CCDC102B: variants seen among roughly 807,000 people sequenced by gnomAD.
The protein encoded by CCDC102B is coiled-coil domain-containing protein 102B.
A neutral mutation model predicts 57.4 loss-of-function variants in CCDC102B; 75 were observed. The ratio of observed to expected loss-of-function variants is 1.31; its 90% CI spans 1.08 to 1.58. The LOEUF is 1.58. Ranked by LOEUF, CCDC102B falls within the 40% of genes most tolerant of loss-of-function variation. The pLI is 0.00. For synonymous variants in CCDC102B, 206 were observed against 201.9 expected (o/e 1.02, Z -0.17); for missense variants, 636 against 582.6 (o/e 1.09, Z -0.94).
intron 7 of CCDC102B, among the ~76,000 whole-genome samples, chr18:69,049,694 A>G (rs1180259348): frequency 6.6e-6 from 1 of 152,116 alleles, no homozygotes; most frequent in East Asian, 1.9e-4. Context: ...AGAAAAACAC[A>G]ATTAATAGTA....
At chr18:68,806,202 A>G (rs959516480) in intron 1 of CCDC102B, among the ~76,000 whole-genome samples, 1 of 152,196 alleles carries the variant, frequency 6.6e-6, no homozygotes, top group African/African-American at 2.4e-5. Context: ...CATTTTTAAA[A>G]TTAATAATTA....
intron 4 of CCDC102B, among the ~76,000 whole-genome samples, chr18:68,871,212 A>G (rs1183550740): frequency 1.3e-5 from 2 of 152,222 alleles, no homozygotes; most frequent in African/African-American, 4.8e-5. Context: ...CAGAGAATAT[A>G]CTAAATAAAT....
chr18:69,051,891 A>T (rs1395782931), intron 7 of CCDC102B, among the ~76,000 whole-genome samples: 1 of 151,846 alleles, frequency 6.6e-6, no homozygotes, highest in Non-Finnish European at 1.5e-5. Context: ...CTCCTGCTTG[A>T]TCAAGAACAT....
intron 6 of CCDC102B, among the ~76,000 whole-genome samples, chr18:68,988,010 A>G (rs150993727): frequency 2.0e-5 from 3 of 152,334 alleles, no homozygotes; most frequent in African/African-American, 7.2e-5. Flanking sequence ...AGTTAGAAGC[A>G]GAACTACCAT....
chr18:69,030,118 A>G (rs112392091), intron 7 of CCDC102B, among the ~76,000 whole-genome samples: 146 of 152,318 alleles, frequency 9.6e-4, no homozygotes, highest in African/African-American at 3.1e-3. Context: ...CTGTTATTCA[A>G]AATAGCCTAA....
chr18:69,001,516 C>T (rs2051200876), intron 6 of CCDC102B, among the ~76,000 whole-genome samples: 1 of 151,286 alleles, frequency 6.6e-6, no homozygotes, highest in South Asian at 2.1e-4. Flanking sequence ...GAATCAGGGA[C>T]TCTCTGAAAA....
intron 6 of CCDC102B, among the ~76,000 whole-genome samples, chr18:68,996,771 T>C (rs991538713): frequency 2.0e-5 from 3 of 152,306 alleles, no homozygotes; most frequent in East Asian, 3.9e-4. Context: ...CTTGAACTTT[T>C]GGGTTAATGC....
At chr18:68,913,891 T>G (rs1362984921) in intron 6 of CCDC102B, among the ~76,000 whole-genome samples, 2 of 152,178 alleles carry the variant, frequency 1.3e-5, no homozygotes, top group Non-Finnish European at 2.9e-5. Context: ...TAGATGCTCT[T>G]ATCTCCTGCA....
chr18:69,023,607 T>C (rs1246419735), intron 7 of CCDC102B, among the ~76,000 whole-genome samples: 1 of 151,898 alleles, frequency 6.6e-6, no homozygotes, highest in Non-Finnish European at 1.5e-5. Context: ...CTTACCACAA[T>C]CTTGAAATTA....
intron 2 of CCDC102B, among the ~76,000 whole-genome samples, chr18:68,778,895 A>AG (rs1356752175): frequency 6.6e-6 from 1 of 151,530 alleles, no homozygotes; most frequent in Non-Finnish European, 1.5e-5. Context: ...AAAAAAAAAA[A>AG]ACTGTGAAAA....
intron 2 of CCDC102B, among the ~76,000 whole-genome samples, chr18:68,730,551 T>TA (rs1568220885): frequency 6.6e-6 from 1 of 152,198 alleles, no homozygotes; most frequent in Non-Finnish European, 1.5e-5. Flanking sequence ...TGTCTGCTGA[T>TA]AGATAGATGC....
chr18:68,965,614 T>TTATA (rs752795587), intron 6 of CCDC102B, among the ~76,000 whole-genome samples: 2 of 150,636 alleles, frequency 1.3e-5, no homozygotes, highest in Non-Finnish European at 3.0e-5. Context: ...GTATAAAAAA[T>TTATA]TATATATATA....
chr18:69,046,081 G>A (rs2052559292), intron 7 of CCDC102B, among the ~76,000 whole-genome samples: 3 of 152,086 alleles, frequency 2.0e-5, no homozygotes, highest in Non-Finnish European at 4.4e-5. Context: ...TGTCTTTGTG[G>A]TAGAATGATT....
chr18:69,053,611 A>G (rs914378393), intron 7 of CCDC102B, among the ~76,000 whole-genome samples: 3 of 151,840 alleles, frequency 2.0e-5, no homozygotes, highest in African/African-American at 4.8e-5. Context: ...CACATACACT[A>G]CTGGTAAGTT....
chr18:68,998,348 C>T (rs2051089443), intron 6 of CCDC102B, among the ~76,000 whole-genome samples: 1 of 147,774 alleles, frequency 6.8e-6, no homozygotes, highest in South Asian at 2.1e-4. Context: ...TCTACATACA[C>T]ACATGTATAT....
intron 6 of CCDC102B, among the ~76,000 whole-genome samples, chr18:68,933,046 C>G (rs773074773): frequency 2.0e-5 from 3 of 151,664 alleles, no homozygotes; most frequent in Non-Finnish European, 4.4e-5. Flanking sequence ...TGAGCAATTA[C>G]AATTTCCTCT....
intron 7 of CCDC102B, among the ~76,000 whole-genome samples, chr18:69,036,561 TAAC>T (rs146405177): frequency 0.017 from 2,526 of 152,226 alleles, 70 homozygotes; most frequent in African/African-American, 0.057. Flanking sequence ...CAATGACTTT[TAAC>T]AACAGTGGAA....
At position 68,729,771 on chromosome 18, in the gene CCDC102B, G is replaced by C. The variant is rs141144685; in HGVS notation, c.-67+13177G>C. ...GATTTCCTGAATACAAATGTTGCAA[G>C]TCAAAGGGAAAAGATTGGTTTATTA... On this transcript the variant is annotated intron_variant, in intron 2 of 3. Coordinates refer to the CCDC102B transcript ENST00000578970. Among the ~76,000 whole-genome samples the C allele has an allele frequency of 3.3e-5, 5 of 152,214 alleles. No individual in the cohort carries two copies. In the East Asian group the frequency reaches 9.6e-4, roughly 29 times the overall value.
intron 7 of CCDC102B, among the ~76,000 whole-genome samples, chr18:69,027,974 A>G (rs2052037841): frequency 6.6e-6 from 1 of 152,184 alleles, no homozygotes; most frequent in Non-Finnish European, 1.5e-5. Flanking sequence ...TGAGGCAACC[A>G]TGGTATAATA....
Sources: gnomAD v4.1 joint callset for allele counts (sites outside exome capture counted in the v4.1 genomes callset) on GRCh38, gnomAD v4.1.1 for gene constraint, MANE v1.5 for transcripts, NCBI Gene and HGNC (gene_info 2026-07-23, HGNC 2026-07-21) for gene names.